The following ITGB2 variants were observed in gnomAD, a reference collection of about 807,000 sequenced individuals.
The protein encoded by ITGB2 is integrin beta-2.
In ITGB2, 56 loss-of-function variants were observed where a neutral mutation model predicts 86.8. That is an observed-to-expected ratio of 0.65 (90% CI 0.52 to 0.81). The LOEUF is 0.81. Among genes scored for constraint, ITGB2 ranks in the 30% least tolerant of loss-of-function variants. The pLI is 0.00. For missense variants in ITGB2, 948 were observed against 1,061.2 expected (o/e 0.89, Z 1.48); for synonymous variants, 457 against 450.4 (o/e 1.01, Z -0.19).
intron 5 of ITGB2, 56 bp from the exon 6 acceptor site, chr21:44,901,789 C>T (rs914501342): frequency 3.8e-6 from 6 of 1,571,186 alleles, no homozygotes; most frequent in South Asian, 2.3e-5. Flanking sequence ...GGTGGGAGGG[C>T]CAGCTTCAAA....
chr21:44,895,456 G>T (rs957621253), intron 8 of ITGB2, among the ~76,000 whole-genome samples: 5 of 152,222 alleles, frequency 3.3e-5, no homozygotes, highest in Admixed American at 2.6e-4. Flanking sequence ...CTTAAACCCA[G>T]GAGGTGGAGG....
chr21:44,894,625 T>C (rs2083837710), intron 9 of ITGB2: 3 of 371,280 alleles, frequency 8.1e-6, no homozygotes, highest in South Asian at 6.8e-5. Flanking sequence ...TGTGGGGGTT[T>C]CCTGTGGCCT....
chr21:44,893,852 A>C (rs2083825449), intron 9 of ITGB2: 1 of 393,478 alleles, frequency 2.5e-6, no homozygotes, highest in Non-Finnish European at 4.9e-6. Flanking sequence ...GAGCTGCATA[A>C]ATTGTTCAAG....
chr21:44,920,063 C>T (rs1036572135), intron 1 of ITGB2, among the ~76,000 whole-genome samples: 12 of 152,166 alleles, frequency 7.9e-5, no homozygotes, highest in Non-Finnish European at 1.6e-4. Flanking sequence ...GGTGCCCGCT[C>T]CCCTACAGCA....
intron 1 of ITGB2, chr21:44,911,218 T>C: frequency 3.6e-6 from 1 of 279,294 alleles, no homozygotes; most frequent in South Asian, 3.6e-5. Context: ...ATACACCCCT[T>C]ACCCACACCA....
chr21:44,901,418 GC>G (rs1463089167), intron 6 of ITGB2, 73 bp downstream of exon 6: 1 of 1,558,246 alleles, frequency 6.4e-7, no homozygotes, highest in Non-Finnish European at 8.7e-7. Context: ...GTACCCCCCT[GC>G]CCCCACACAG....
chr21:44,906,902 A>T lies in ITGB2; in HGVS notation c.328+13T>A, dbSNP rs2084049923. 1 of 1,614,144 alleles carries T rather than the reference A, an allele frequency of 6.2e-7. No individual in the cohort carries two copies. Among genetic ancestry groups the T allele is most frequent in the Non-Finnish European group, 8.5e-7 (1 of 1,179,974 alleles). On this transcript the variant is annotated intron_variant, in intron 4 of 15. Coordinates refer to ENST00000652462, the MANE Select transcript of ITGB2 (RefSeq NM_000211.5). ...CAGACGGTGCCTGGCACCACCACCG[A>T]GGCCAAGCCTACCTGGTCGCAGGTA...
chr21:44,891,879 G>A lies in ITGB2; in HGVS notation c.1342C>T (p.Arg448Trp), dbSNP rs532267693. The stretch of plus-strand genomic sequence containing the variant: ...CGGTCTCTGCTCTGGTCCCGGCACC[G>A]GCACTCACACTGGGGAAGAACCTGC... The part of the protein sequence containing the change: ...TVQVLPQCEC[R>W]CRDQSRDRSL... The change falls in exon 11 of 16, where the codon CGG (arginine) becomes TGG (tryptophan). Residue 448 changes from arginine (R) to tryptophan (W), a missense_variant. Coordinates refer to ENST00000652462, the MANE Select transcript of ITGB2 (RefSeq NM_000211.5). The A allele has an allele frequency of 2.0e-5, 32 of 1,612,520 alleles. No homozygotes were observed. The highest frequency in any genetic ancestry group is 1.1e-4 in the African/African-American group (8 of 74,934).
intron 14 of ITGB2, among the ~76,000 whole-genome samples, chr21:44,887,167 G>T (rs1198275998): frequency 6.6e-6 from 1 of 152,162 alleles, no homozygotes; most frequent in Non-Finnish European, 1.5e-5. Flanking sequence ...CAGGGCCAGG[G>T]TACCGGGCAG....
chr21:44,907,114 G>A lies in ITGB2; in HGVS notation c.148-19C>T, dbSNP rs973359595. 1.9e-6 allele frequency: 3 copies of A among 1,568,830 alleles called. No individual in the cohort carries two copies. Among genetic ancestry groups the A allele is most frequent in the Non-Finnish European group, 2.6e-6 (3 of 1,152,052 alleles). On this transcript the variant is annotated intron_variant, in intron 3 of 15. Coordinates refer to ENST00000652462, the MANE Select transcript of ITGB2 (RefSeq NM_000211.5). ...TGAAGTTCTGGGGAGGGGGAGTCAG[G>A]GGTCAGGAGGGGGCCACACTGCGGG... is the stretch of plus-strand genomic sequence containing the variant.
At chr21:44,916,582 G>A (rs2146558211) in intron 1 of ITGB2, among the ~76,000 whole-genome samples, 1 of 152,204 alleles carries the variant, frequency 6.6e-6, no homozygotes, top group African/African-American at 2.4e-5. Flanking sequence ...AAAAGCTAAG[G>A]GGAGGCCGGG....
upstream of ITGB2, among the ~76,000 whole-genome samples, chr21:44,923,910 TACTA>T (rs1198136681): frequency 6.6e-6 from 1 of 152,036 alleles, no homozygotes; most frequent in Non-Finnish European, 1.5e-5. Context: ...TGCTAGAAAA[TACTA>T]ACGAAGATAT....
upstream of ITGB2, among the ~76,000 whole-genome samples, chr21:44,923,343 T>C (rs1271471211): frequency 6.6e-6 from 1 of 152,184 alleles, no homozygotes; most frequent in African/African-American, 2.4e-5. Flanking sequence ...TTGTTAATTG[T>C]TTTAAGTGTG....
At chr21:44,920,545 C>T (rs1278357428) in intron 1 of ITGB2, among the ~76,000 whole-genome samples, 4 of 152,186 alleles carry the variant, frequency 2.6e-5, no homozygotes, top group South Asian at 4.1e-4. Context: ...CTCTTCCTGG[C>T]CTTGCCGGCC....
chr21:44,898,446 C>A (rs949603365), intron 8 of ITGB2, among the ~76,000 whole-genome samples: 11 of 152,232 alleles, frequency 7.2e-5, no homozygotes, highest in Non-Finnish European at 1.5e-4. Flanking sequence ...TGTGAGTTTA[C>A]TGGTTCCTGA....
At chr21:44,907,907 C>A in intron 3 of ITGB2, 1 of 589,836 alleles carries the variant, frequency 1.7e-6, no homozygotes, top group South Asian at 2.1e-5. Flanking sequence ...AGAAGTCCTC[C>A]AGAAATAAAA....
At chr21:44,890,374 C>A in intron 11 of ITGB2, 152 bp from the exon 12 acceptor site, 2 of 968,976 alleles carry the variant, frequency 2.1e-6, no homozygotes, top group Non-Finnish European at 3.1e-6. Context: ...TTGCCACGGA[C>A]TAAATGTGCT....
chr21:44,919,197 G>A (rs560341909), intron 1 of ITGB2, among the ~76,000 whole-genome samples: 170 of 152,336 alleles, frequency 1.1e-3, no homozygotes, highest in African/African-American at 3.7e-3. Context: ...TGGGACATCT[G>A]TTCTGTGGCC....
At chr21:44,914,665 G>C (rs952053836) in intron 1 of ITGB2, among the ~76,000 whole-genome samples, 9 of 152,230 alleles carry the variant, frequency 5.9e-5, no homozygotes, top group Non-Finnish European at 1.0e-4. Flanking sequence ...GCTGACGCCT[G>C]CAATCCCAGT....
Sources: gnomAD v4.1 joint callset for allele counts (sites outside exome capture counted in the v4.1 genomes callset) on GRCh38, gnomAD v4.1.1 for gene constraint, MANE v1.5 for transcripts, NCBI Gene and HGNC (gene_info 2026-07-23, HGNC 2026-07-21) for gene names.